The following ATG16L2 variants were observed in gnomAD, a reference collection of about 807,000 sequenced individuals.
The protein encoded by ATG16L2 is autophagy related 16 like 2.
Under a neutral mutation model 84.7 loss-of-function variants are expected in ATG16L2, and 77 were observed. The ratio of observed to expected loss-of-function variants is 0.91; its 90% CI spans 0.76 to 1.10. The LOEUF (loss-of-function observed/expected upper bound fraction) is 1.10. Among genes scored for constraint, ATG16L2 ranks in the 50% least tolerant of loss-of-function variants. ATG16L2 has a pLI of 0.00. For missense variants in ATG16L2, 782 were observed against 817.6 expected (o/e 0.96, Z 0.53); for synonymous variants, 361 against 342.8 (o/e 1.05, Z -0.59).
chr11:72,826,356 CT>C (rs1860353937), intron 11 of ATG16L2, 113 bp downstream of exon 11: 21 of 1,426,354 alleles, frequency 1.5e-5, no homozygotes, highest in Middle Eastern at 2.2e-4. Flanking sequence ...AACCAGGCCC[CT>C]GGGCTCTTAC....
In ATG16L2 at chr11:72,822,038, C is replaced by T. The variant is rs181241692; in HGVS notation, c.393-6C>T. ...GGACCCGCTATCCGCTCTTTCCGTC[C>T]TCCAGGCTGGCAGCCCTGGAGGCCC... is the stretch of plus-strand genomic sequence containing the variant. On this transcript the variant is annotated splice_polypyrimidine_tract_variant and splice_region_variant and intron_variant, in intron 4 of 17. Transcript: ENST00000321297. The surrounding 1 kb of genome is among the most constrained non-coding windows in gnomAD (Gnocchi z 4.2). 7.7e-4 allele frequency: 1,159 copies of T among 1,498,712 alleles called. 8 individuals carry two copies. The East Asian group carries it at 0.017, about 21-fold the overall frequency. 92.8% of individuals were successfully genotyped at this position (1,498,712 alleles called of 1,614,324 possible).
At position 72,826,831 on chromosome 11, in the gene ATG16L2, C is replaced by A; in HGVS notation, c.1366+8C>A. 1 of 1,611,902 alleles carries A rather than the reference C, an allele frequency of 6.2e-7. No individual in the cohort carries two copies. The highest frequency in any genetic ancestry group is 1.1e-5 in the South Asian group (1 of 90,928). ...ACCTCGGCCGTGCCTATTGTGAGCC[C>A]GAGCCCCAGCCCCACCTCTCCTCCC... On this transcript the variant is annotated splice_region_variant and intron_variant, in intron 13 of 17. Coordinates refer to ENST00000321297, the MANE Select transcript of ATG16L2 (RefSeq NM_033388.2).
chr11:72,820,563 TG>T (rs1859930349), intron 3 of ATG16L2, among the ~76,000 whole-genome samples: 2 of 152,196 alleles, frequency 1.3e-5, no homozygotes, highest in South Asian at 4.1e-4. Context: ...ATGTTATAAA[TG>T]GGGCCAACTA....
exon 6 of ATG16L2, chr11:72,842,795 A>T (rs768378654): frequency 6.2e-7 from 1 of 1,613,986 alleles, no homozygotes; most frequent in Admixed American, 1.7e-5. Flanking sequence ...AAGATAACTC[A>T]TCATCTGTCT....
chr11:72,843,519 T>G, exon 6 of ATG16L2: 1 of 1,613,162 alleles, frequency 6.2e-7, no homozygotes, highest in African/African-American at 1.3e-5. Flanking sequence ...GGTCAACTCA[T>G]CTGGTTGAGA....
chr11:72,821,534 T>A, intron 3 of ATG16L2, 134 bp from the exon 4 acceptor site: 1 of 1,463,996 alleles, frequency 6.8e-7, no homozygotes, highest in Non-Finnish European at 9.0e-7. Context: ...GTCCCAAACC[T>A]GTGTGGGGCT....
intron 17 of ATG16L2, 26 bp downstream of exon 17, chr11:72,829,010 C>G: frequency 6.2e-7 from 1 of 1,605,452 alleles, no homozygotes; most frequent in South Asian, 1.1e-5. Flanking sequence ...ACCTGGCCAC[C>G]TGCCTGGCCC....
chr11:72,823,837 G>A (rs759645953), intron 7 of ATG16L2: 2 of 694,440 alleles, frequency 2.9e-6, no homozygotes, highest in Non-Finnish European at 5.3e-6. Flanking sequence ...CCCATCATGA[G>A]GGAGACCTTG....
At position 72,822,152 on chromosome 11, in the gene ATG16L2, C is replaced by T. The variant is rs759939145; in HGVS notation, c.501C>T (p.Tyr167=). 18 of 1,490,756 alleles carry T rather than the reference C, an allele frequency of 1.2e-5. No homozygotes were observed. The highest frequency in any genetic ancestry group is 1.5e-5 in the African/African-American group (1 of 68,936). 92.3% of individuals were successfully genotyped at this position (1,490,756 alleles called of 1,614,324 possible). A position where few individuals can be genotyped will look rare whatever the true frequency, so the allele number is the denominator to read the frequency against. ...RAQNAVQRAA[Y]EALRAHVGLR... ...AGAATGCGGTGCAGCGGGCAGCCTA[C>T]GAGGCGCTGCGCGCGCACGTCGGGC... Residue 167 remains tyrosine, a synonymous_variant, in exon 5 of 18, where the codon TAC becomes TAT. Transcript: ENST00000321297. The surrounding 1 kb of genome is among the most constrained non-coding windows in gnomAD (Gnocchi z 4.2).
At chr11:72,819,457 T>C (rs1012938853) in intron 3 of ATG16L2, among the ~76,000 whole-genome samples, 1 of 152,154 alleles carries the variant, frequency 6.6e-6, no homozygotes, top group Non-Finnish European at 1.5e-5. Context: ...CAAAACATGC[T>C]TGTAAACAAG....
intron 5 of ATG16L2, chr11:72,838,604 C>G (rs985738900): frequency 8.3e-6 from 4 of 482,730 alleles, no homozygotes; most frequent in African/African-American, 6.2e-5. Context: ...AAAATGACAA[C>G]AAAAAAAAAA....
intron 5 of ATG16L2, chr11:72,841,538 A>ACGGCAGTGGAGGCAGGGAGG: frequency 6.2e-7 from 1 of 1,611,494 alleles, no homozygotes; most frequent in Non-Finnish European, 8.5e-7. Flanking sequence ...TGGTCGTACA[A>ACGGCAGTGGAGGCAGGGAGG]CGGCAGTGGA....
chr11:72,841,391 A>G, intron 5 of ATG16L2: 3 of 1,190,792 alleles, frequency 2.5e-6, no homozygotes, highest in Admixed American at 2.5e-5. Flanking sequence ...TTTGCCCTTC[A>G]GGCGAATATG....
chr11:72,841,091 C>A, intron 5 of ATG16L2: 1 of 698,108 alleles, frequency 1.4e-6, no homozygotes, highest in Non-Finnish European at 2.5e-6. Context: ...TTACTTGAGG[C>A]CAGAAGTTCA....
downstream of ATG16L2, among the ~76,000 whole-genome samples, chr11:72,833,908 C>T (rs1048788502): frequency 3.4e-5 from 5 of 148,264 alleles, no homozygotes; most frequent in Non-Finnish European, 5.9e-5. Flanking sequence ...GGGTGACGAG[C>T]GAAACTCCGT....
intron 5 of ATG16L2, among the ~76,000 whole-genome samples, chr11:72,842,317 GGTTT>G (rs1253262260): frequency 1.3e-5 from 2 of 152,182 alleles, no homozygotes; most frequent in Non-Finnish European, 2.9e-5. Context: ...TTCCCTCTTC[GGTTT>G]GTTTCTTTCT....
Position 72,841,392 on chromosome 11 carries a change from G to C in ATG16L2, c.*22-1225G>C, listed in dbSNP as rs989790229. Reference sequence around the variant, plus strand: ...AAATGCAGTTTTTTTTTGCCCTTCAGGCGAATATGTAGGTTTCTGAAGTGA... The same window carrying C: ...AAATGCAGTTTTTTTTTGCCCTTCACGCGAATATGTAGGTTTCTGAAGTGA... On this transcript the variant is annotated intron_variant, in intron 5 of 5. Transcript: ENST00000534905. 6.7e-6 allele frequency: 10 copies of C among 1,489,128 alleles called. No individual in the cohort carries two copies. In the Admixed American group the frequency reaches 1.6e-4, roughly 24 times the overall value. 92.2% of individuals were successfully genotyped at this position (1,489,128 alleles called of 1,614,324 possible).
At chr11:72,836,441 C>CT (rs1449238009) in intron 5 of ATG16L2, among the ~76,000 whole-genome samples, 1 of 152,214 alleles carries the variant, frequency 6.6e-6, no homozygotes, top group Non-Finnish European at 1.5e-5. Flanking sequence ...TCAGCTGCCT[C>CT]TATGCTATCT....
chr11:72,839,571 G>A (rs1860843998), intron 5 of ATG16L2, among the ~76,000 whole-genome samples: 1 of 152,128 alleles, frequency 6.6e-6, no homozygotes, highest in Admixed American at 6.5e-5. Flanking sequence ...GGTATACCTG[G>A]CAGGATTTGG....
Sources: gnomAD v4.1 joint callset for allele counts (sites outside exome capture counted in the v4.1 genomes callset) on GRCh38, gnomAD v4.1.1 for gene constraint, Gnocchi (gnomAD v3.1) non-coding constraint, MANE v1.5 for transcripts, NCBI Gene and HGNC (gene_info 2026-07-23, HGNC 2026-07-21) for gene names.